The following ZAR1L variants were observed in gnomAD, a reference collection of about 807,000 sequenced individuals.
The protein encoded by ZAR1L is protein ZAR1-like.
In ZAR1L, 16 loss-of-function variants were observed where a neutral mutation model predicts 30.0. That is an observed-to-expected ratio of 0.53 (90% CI 0.36 to 0.81). The LOEUF (loss-of-function observed/expected upper bound fraction) is 0.81. ZAR1L is among the 30% of genes least tolerant of loss of function. The pLI is 0.00. For synonymous variants in ZAR1L, 197 were observed against 166.8 expected (o/e 1.18, Z -1.40); for missense variants, 392 against 417.2 (o/e 0.94, Z 0.53).
At chr13:32,305,584 C>G (rs1340759596) in intron 5 of ZAR1L, among the ~76,000 whole-genome samples, 1 of 152,230 alleles carries the variant, frequency 6.6e-6, no homozygotes, top group East Asian at 1.9e-4. Flanking sequence ...GCCTAGCACT[C>G]TCTTAAGCAC....
In ZAR1L at chr13:32,311,477, T is replaced by TC; in HGVS notation, c.448dup (p.Asp150GlyfsTer27). ...CGGGAGCGCCTTGCTCTCCGCTTCGTCCCCATCTCTCCGCAGGCGGATCAA... is the reference window on the plus strand; with the variant it reads ...CGGGAGCGCCTTGCTCTCCGCTTCGTCCCCCATCTCTCCGCAGGCGGATCAA... On this transcript the variant is annotated frameshift_variant, in exon 3 of 6. Transcript: ENST00000533490. LOFTEE classifies it high-confidence loss of function. The TC allele has an allele frequency of 1.9e-6, 3 of 1,545,978 alleles. No homozygotes were observed. Among genetic ancestry groups the TC allele is most frequent in the Non-Finnish European group, 2.6e-6 (3 of 1,146,582 alleles).
rs967047373 is a variant in ZAR1L, at chr13:32,311,729, G to A, written c.197C>T (p.Ala66Val). 1.9e-6 allele frequency: 3 copies of A among 1,551,614 alleles called. No homozygotes were observed. The highest frequency in any genetic ancestry group is 1.2e-5 in the South Asian group (1 of 84,074). ...PDYCIDPYKR[A>V]QLKAILSQMN... ...CTGGGAGAGAATGGCCTTAAGCTGCGCCCTCTTGTAAGGGTCAATGCAGTA... is the reference window on the plus strand; with the variant it reads ...CTGGGAGAGAATGGCCTTAAGCTGCACCCTCTTGTAAGGGTCAATGCAGTA... Residue 66 changes from alanine to valine, a missense_variant, in exon 3 of 6, where the codon GCG (alanine) becomes GTG (valine). By Grantham distance (64) the Ala-to-Val change is moderately conservative (BLOSUM62 0). Coordinates refer to ENST00000533490, the MANE Select transcript of ZAR1L (RefSeq NM_001136571.2).
At chr13:32,312,881 C>CAAAA (rs1302104245) in intron 2 of ZAR1L, among the ~76,000 whole-genome samples, 1 of 151,910 alleles carries the variant, frequency 6.6e-6, no homozygotes, top group East Asian at 1.9e-4. Flanking sequence ...GACTCCGTCT[C>CAAAA]AAACAAACAA....
chr13:32,314,852 C>CA lies in ZAR1L; in HGVS notation c.-389-303dup, dbSNP rs148073463. Among the ~76,000 whole-genome samples, 411 of 145,422 alleles carry CA rather than the reference C, an allele frequency of 2.8e-3. 4 individuals are homozygous for CA. Among genetic ancestry groups the CA allele is most frequent in the African/African-American group, 8.4e-3 (332 of 39,628 alleles). ...GGGCCACAAGAGCGAAACTCCGTCT[C>CA]AAAAAAAAAAGCAAAAGATACTACC... On this transcript the variant is annotated intron_variant, in intron 1 of 5. Transcript: ENST00000533490.
At chr13:32,308,570 A>G (rs1330686977) in intron 5 of ZAR1L, 116 bp downstream of exon 5, 1 of 710,094 alleles carries the variant, frequency 1.4e-6, no homozygotes, top group East Asian at 2.8e-5. Context: ...TAACATCTCA[A>G]ACATACAGAA....
chr13:32,303,948 T>C lies in ZAR1L; in HGVS notation c.897A>G (p.Glu299=). 1.9e-6 allele frequency: 3 copies of C among 1,551,992 alleles called. No individual in the cohort carries two copies. The highest frequency in any genetic ancestry group is 2.6e-6 in the Non-Finnish European group (3 of 1,147,060). The change falls in exon 6 of 6, where the codon GAA becomes GAG. Residue 299 remains glutamate, a synonymous_variant. Transcript: ENST00000533490. ...TCTTGTCTTTGCAGCGACCACACAG[T>C]TCCTGTCGATGAGGCCTCCTTAGAT... The part of the protein sequence containing the change: ...HIDLRRPHRQ[E]LCGRCKDKRF...
rs1004878019 is a variant in ZAR1L at position 32,312,064 on chromosome 13, A to C, written c.-139T>G. 55 of 1,024,506 alleles carry C rather than the reference A, an allele frequency of 5.4e-5. No individual in the cohort carries two copies. The highest frequency in any genetic ancestry group is 7.3e-5 in the Non-Finnish European group (53 of 726,712). The allele number at this position is 1,024,506 out of a possible 1,614,324, so 63.5% of individuals were successfully genotyped here. On this transcript the variant is annotated 5_prime_UTR_variant, in exon 3 of 6. Coordinates refer to ENST00000533490, the MANE Select transcript of ZAR1L (RefSeq NM_001136571.2). The stretch of plus-strand genomic sequence containing the variant: ...CATTCCTGGCTTCTCCATTTATTTC[A>C]GATTCTAATGGGAGCTGCTGCTTAT...
Position 32,310,702 on chromosome 13 carries a change from G to A in ZAR1L, c.684C>T (p.His228=). The A allele has an allele frequency of 6.4e-7, 1 of 1,551,418 alleles. No individual in the cohort carries two copies. The highest frequency in any genetic ancestry group is 8.7e-7 in the Non-Finnish European group (1 of 1,146,780). The change falls in exon 4 of 6, where the codon CAC becomes CAT. Residue 228 remains histidine, a synonymous_variant. Transcript: ENST00000533490. ...QFLEPKYGYF[H]CKDCKTRWES... ...CCCACCTGGTCTTACAATCTTTACA[G>A]TGGAAATAGCCATATTTTGGTTCCA...
At chr13:32,308,579 A>C in intron 5 of ZAR1L, 107 bp downstream of exon 5, 1 of 767,356 alleles carries the variant, frequency 1.3e-6, no homozygotes, top group South Asian at 1.7e-5. Context: ...AAACATACAG[A>C]ACACTCACAT....
intron 4 of ZAR1L, among the ~76,000 whole-genome samples, chr13:32,309,152 G>A (rs749616561): frequency 7.2e-4 from 109 of 151,852 alleles, no homozygotes; most frequent in Non-Finnish European, 1.1e-3. Context: ...CACCACACCC[G>A]GCTAATTTTT....
rs2072214874 is a variant in ZAR1L, at chr13:32,311,678, A to C, written c.248T>G (p.Leu83Arg). ...CACCTCCTTGGTGTTGGGCTTGCACAGCCGCGGGCTCAGGCTGGGGTTCAT... is the reference window on the plus strand; with the variant it reads ...CACCTCCTTGGTGTTGGGCTTGCACCGCCGCGGGCTCAGGCTGGGGTTCAT... The part of the protein sequence containing the change: ...SQMNPSLSPR[L>R]CKPNTKEVGV... The change falls in exon 3 of 6, where the codon CTG becomes CGG. Residue 83 changes from leucine to arginine, a missense_variant. Leu to Arg is a moderately radical substitution (Grantham distance 102). Transcript: ENST00000533490. The C allele has an allele frequency of 6.4e-7, 1 of 1,551,468 alleles. No homozygotes were observed. The highest frequency in any genetic ancestry group is 1.4e-5 in the African/African-American group (1 of 73,058).
chr13:32,305,078 T>C (rs1277134499), intron 5 of ZAR1L, among the ~76,000 whole-genome samples: 3 of 152,122 alleles, frequency 2.0e-5, no homozygotes, highest in Admixed American at 1.3e-4. Flanking sequence ...CCCAAAGCGC[T>C]GGGATTACAA....
rs1420166361 is a variant in ZAR1L, at chr13:32,311,361, C to T, written c.565G>A (p.Glu189Lys). The T allele has an allele frequency of 1.3e-6, 2 of 1,550,782 alleles. No homozygotes were observed. Among genetic ancestry groups the T allele is most frequent in the Non-Finnish European group, 8.7e-7 (1 of 1,146,986 alleles). ...TCCTGAGGGCACGGGGCGTCTTTCTCCCCCGATTCCTCCAGCTGCCCGGGC... is the reference window on the plus strand; with the variant it reads ...TCCTGAGGGCACGGGGCGTCTTTCTTCCCCGATTCCTCCAGCTGCCCGGGC... ...EEPGQLEESG[E>K]KDAPCPQETK... Residue 189 changes from glutamate to lysine, a missense_variant, in exon 3 of 6, where the codon GAG becomes AAG. Physicochemically the swap from Glu to Lys is moderately conservative, Grantham distance 56 (BLOSUM62 1). Transcript: ENST00000533490.
In ZAR1L at chr13:32,311,966, G is replaced by A. The variant is rs376522727; in HGVS notation, c.-41C>T. 706 of 1,486,628 alleles carry A rather than the reference G, an allele frequency of 4.7e-4. 2 individuals are homozygous for A. In the African/African-American group the frequency reaches 8.6e-3, roughly 18 times the overall value. The allele number at this position is 1,486,628 out of a possible 1,614,324, so 92.1% of individuals were successfully genotyped here. ...CAGGCGCAGTCTAATATCCTAGCCA[G>A]TTTGTTTGGGTCCTTATTTTGCCTT... On this transcript the variant is annotated 5_prime_UTR_variant, in exon 3 of 6. Transcript: ENST00000533490.
intron 5 of ZAR1L, among the ~76,000 whole-genome samples, chr13:32,306,353 A>G (rs2072174770): frequency 6.6e-6 from 1 of 152,206 alleles, no homozygotes; most frequent in Non-Finnish European, 1.5e-5. Context: ...ATTTCCCAAA[A>G]GTAATGAAAA....
Position 32,311,611 on chromosome 13 carries a change from G to A in ZAR1L, c.315C>T (p.Cys105=). The A allele has an allele frequency of 3.9e-6, 6 of 1,550,108 alleles. No individual in the cohort carries two copies. The highest frequency in any genetic ancestry group is 5.2e-6 in the Non-Finnish European group (6 of 1,146,530). The change falls in exon 3 of 6, where the codon TGC becomes TGT. Residue 105 remains cysteine (C), a synonymous_variant. Transcript: ENST00000533490. ...VSPRVDKAVQ[C]SLGPRTLSSC... is the part of the protein sequence containing the mutation. ...TGCTGAGGGTGCGAGGCCCCAGAGAGCACTGCACAGCCTTGTCCACCCGCG... is the reference window on the plus strand; with the variant it reads ...TGCTGAGGGTGCGAGGCCCCAGAGAACACTGCACAGCCTTGTCCACCCGCG...
intron 3 of ZAR1L, 84 bp from the exon 4 acceptor site, chr13:32,310,815 A>G: frequency 1.1e-6 from 1 of 874,244 alleles, no homozygotes; most frequent in Non-Finnish European, 1.8e-6. Context: ...ATAAGGAAAA[A>G]AAAATGACTT....
chr13:32,310,898 C>T (rs759228516), intron 3 of ZAR1L, among the ~76,000 whole-genome samples, 167 bp from the exon 4 acceptor site: 6 of 152,178 alleles, frequency 3.9e-5, no homozygotes, highest in Non-Finnish European at 8.8e-5. Context: ...AAAGATTACT[C>T]TGGGATTCTT....
At chr13:32,313,062 A>T (rs986953809) in intron 2 of ZAR1L, among the ~76,000 whole-genome samples, 8 of 152,230 alleles carry the variant, frequency 5.3e-5, no homozygotes, top group African/African-American at 1.9e-4. Flanking sequence ...GTTACCAGGG[A>T]CAGGAAGTTG....
Sources: allele counts gnomAD v4.1 joint callset (sites outside exome capture counted in the v4.1 genomes callset), GRCh38; gene constraint gnomAD v4.1.1; transcripts MANE v1.5; gene names NCBI Gene and HGNC (gene_info 2026-07-23, HGNC 2026-07-21).